GALNT18: variants seen among roughly 807,000 people sequenced by gnomAD.
GALNT18 encodes GalNAc-transferase 18.
A neutral mutation model predicts 69.5 loss-of-function variants in GALNT18; 44 were observed. The ratio of observed to expected loss-of-function variants is 0.63; its 90% CI spans 0.50 to 0.81. The LOEUF (loss-of-function observed/expected upper bound fraction) is 0.81, where lower values mean the gene tolerates loss of function less well. GALNT18 is among the 40% of genes least tolerant of loss of function. GALNT18 has a pLI of 0.00. For synonymous variants in GALNT18, 364 were observed against 318.2 expected (o/e 1.14, Z -1.53); for missense variants, 715 against 810.0 (o/e 0.88, Z 1.42).
At chr11:11,558,085 G>T (rs1297669511) in intron 1 of GALNT18, among the ~76,000 whole-genome samples, 1 of 152,162 alleles carries the variant, frequency 6.6e-6, no homozygotes, top group Non-Finnish European at 1.5e-5. Flanking sequence ...AACCTTCCTG[G>T]ATAAGCTCCC....
chr11:11,355,760 G>A (rs1850517910), intron 6 of GALNT18, among the ~76,000 whole-genome samples: 1 of 152,088 alleles, frequency 6.6e-6, no homozygotes, highest in African/African-American at 2.4e-5. Flanking sequence ...CTCACCTCCT[G>A]ATGTGCAGCA....
Position 11,583,062 on chromosome 11 carries a change from A to G in GALNT18, c.235+38297T>C, listed in dbSNP as rs1159961941. On this transcript the variant is annotated intron_variant, in intron 1 of 10. Transcript: ENST00000227756. This position sits in a 1 kb window ranked among gnomAD's most constrained non-coding sequence, Gnocchi z 4.7. ...AACACTCAACTCAGGAAGGTCGTTC[A>G]TGTGCTCTTCCATAAAAACCAGGAG... Among the ~76,000 whole-genome samples the G allele has an allele frequency of 3.3e-5, 5 of 152,214 alleles. No homozygotes were observed. The highest frequency in any genetic ancestry group is 2.1e-4 in the South Asian group (1 of 4,836).
At position 11,480,219 on chromosome 11, in the gene GALNT18, TC is replaced by T. The variant is rs1210424866; in HGVS notation, c.236-31284del. 2.0e-5 allele frequency among the ~76,000 whole-genome samples: 3 copies of T among 152,028 alleles called. No homozygotes were observed. The highest frequency in any genetic ancestry group is 7.3e-5 in the African/African-American group (3 of 41,366). On this transcript the variant is annotated intron_variant, in intron 1 of 10. Coordinates refer to ENST00000227756, the MANE Select transcript of GALNT18 (RefSeq NM_198516.3). This position sits in a 1 kb window ranked among gnomAD's most constrained non-coding sequence, Gnocchi z 4.6. ...AAAATAAACTAAAAGAAGGGGTCAATCTTTCTTTATTTCTTTCTTTCTTCCT... is the reference window on the plus strand; with the variant it reads ...AAAATAAACTAAAAGAAGGGGTCAATTTTCTTTATTTCTTTCTTTCTTCCT...
intron 3 of GALNT18, among the ~76,000 whole-genome samples, chr11:11,399,006 G>A (rs1053812811): frequency 6.6e-6 from 1 of 152,192 alleles, no homozygotes; most frequent in South Asian, 2.1e-4. Flanking sequence ...TAAAGAAAGG[G>A]CCTGATATGG....
At chr11:11,280,500 G>T (rs1849049651) in intron 10 of GALNT18, among the ~76,000 whole-genome samples, 1 of 151,906 alleles carries the variant, frequency 6.6e-6, no homozygotes. Flanking sequence ...TAAAATCCTT[G>T]TCTTGAGCTC....
rs1394519775 is a variant in GALNT18 at position 11,463,882 on chromosome 11, A to G, written c.236-14946T>C. ...TATGAATGCAGTATGTGTCCGGCGG[A>G]ATGTGTGCAAAAACCGTCATGCTCA... On this transcript the variant is annotated intron_variant, in intron 1 of 10. Coordinates refer to ENST00000227756, the MANE Select transcript of GALNT18 (RefSeq NM_198516.3). The surrounding 1 kb of genome is among the most constrained non-coding windows in gnomAD (Gnocchi z 4.2). Among the ~76,000 whole-genome samples the G allele has an allele frequency of 6.6e-6, 1 of 152,192 alleles. No individual in the cohort carries two copies. The highest frequency in any genetic ancestry group is 2.4e-5 in the African/African-American group (1 of 41,454).
In GALNT18 at chr11:11,379,226, C is replaced by T. The variant is rs746317814; in HGVS notation, c.634G>A (p.Val212Met). 6.2e-7 allele frequency: 1 copy of T among 1,613,254 alleles called. No individual in the cohort carries two copies. The highest frequency in any genetic ancestry group is 1.1e-5 in the South Asian group (1 of 91,006). Reference protein sequence around the residue: ...KEKLTEYVDKVNSQKPGFIKV... With the variant: ...KEKLTEYVDKMNSQKPGFIKV... ...ATGAAGCCTGGCTTCTGGCTGTTCA[C>T]CTTGTCCACATATTCGGTCAGCTTC... is the stretch of plus-strand genomic sequence containing the variant. The change falls in exon 4 of 11, where the codon GTG (valine) becomes ATG (methionine). Residue 212 changes from valine to methionine, a missense_variant. Val to Met is a conservative substitution (Grantham distance 21). Transcript: ENST00000227756.
intron 6 of GALNT18, among the ~76,000 whole-genome samples, chr11:11,348,943 C>T (rs1044681573): frequency 6.6e-6 from 1 of 152,176 alleles, no homozygotes; most frequent in Non-Finnish European, 1.5e-5. Context: ...TTCCACCCCC[C>T]TTAAGAAGCA....
rs544562673 is a variant in GALNT18 at position 11,590,569 on chromosome 11, A to C, written c.235+30790T>G. Among the ~76,000 whole-genome samples, 1 of 152,314 alleles carries C rather than the reference A, an allele frequency of 6.6e-6. No individual in the cohort carries two copies. Among genetic ancestry groups the C allele is most frequent in the Admixed American group, 6.5e-5 (1 of 15,300 alleles). ...ATATACTAGTGAGATATCACTCCCA[A>C]CTTGCTTTTGAATCTGTTTCCTCAT... is the stretch of plus-strand genomic sequence containing the variant. On this transcript the variant is annotated intron_variant, in intron 1 of 10. Coordinates refer to ENST00000227756, the MANE Select transcript of GALNT18 (RefSeq NM_198516.3). The surrounding 1 kb of genome is among the most constrained non-coding windows in gnomAD (Gnocchi z 4.4).
intron 3 of GALNT18, among the ~76,000 whole-genome samples, chr11:11,379,723 A>T (rs960705628): frequency 6.6e-6 from 1 of 152,164 alleles, no homozygotes; most frequent in African/African-American, 2.4e-5. Flanking sequence ...CCAGGGGAAG[A>T]TCCCTCTGCC....
At chr11:11,509,161 GA>G (rs796495888) in intron 1 of GALNT18, among the ~76,000 whole-genome samples, 9 of 147,520 alleles carry the variant, frequency 6.1e-5, no homozygotes, top group Admixed American at 2.0e-4. Context: ...CTAAAGAAAA[GA>G]AAAAAAAAAG....
intron 1 of GALNT18, among the ~76,000 whole-genome samples, chr11:11,453,499 C>G (rs1855851195): frequency 6.6e-6 from 1 of 152,160 alleles, no homozygotes; most frequent in Non-Finnish European, 1.5e-5. Context: ...CAAACCCTAT[C>G]CTAAACATCC....
chr11:11,449,010 C>T, intron 1 of GALNT18, 74 bp from the exon 2 acceptor site: 2 of 1,234,728 alleles, frequency 1.6e-6, no homozygotes, highest in Non-Finnish European at 2.2e-6. Context: ...CCTTTCCCTT[C>T]CTCACAAACA....
At chr11:11,395,114 G>C (rs1408898716) in intron 3 of GALNT18, among the ~76,000 whole-genome samples, 1 of 152,246 alleles carries the variant, frequency 6.6e-6, no homozygotes, top group Non-Finnish European at 1.5e-5. Context: ...ATGACACAGT[G>C]CCAGGCACCC....
At chr11:11,294,305 A>C (rs564697802) in intron 9 of GALNT18, among the ~76,000 whole-genome samples, 67 of 152,334 alleles carry the variant, frequency 4.4e-4, no homozygotes, top group African/African-American at 1.6e-3. Context: ...ACGCAGCACC[A>C]GGGTTTTTTA....
chr11:11,322,371 A>G (rs1182238246), intron 9 of GALNT18, among the ~76,000 whole-genome samples: 1 of 152,228 alleles, frequency 6.6e-6, no homozygotes, highest in Non-Finnish European at 1.5e-5. Flanking sequence ...TGCTCAGGCC[A>G]ACATCTACCA....
At chr11:11,438,241 C>A (rs1378642364) in intron 2 of GALNT18, among the ~76,000 whole-genome samples, 2 of 152,106 alleles carry the variant, frequency 1.3e-5, no homozygotes, top group Non-Finnish European at 2.9e-5. Context: ...CCTGTCAGCT[C>A]CCAGATGGCA....
At position 11,387,020 on chromosome 11, in the gene GALNT18, G is replaced by T. The variant is rs947872991; in HGVS notation, c.596-7756C>A. Among the ~76,000 whole-genome samples the T allele has an allele frequency of 6.6e-6, 1 of 152,144 alleles. No homozygotes were observed. The highest frequency in any genetic ancestry group is 2.4e-5 in the African/African-American group (1 of 41,438). Reference sequence around the variant, plus strand: ...GATTCTGACGGATGGGCCAAACTTGGTTACAACTGAAATACAAAGGTGGGC... The same window carrying T: ...GATTCTGACGGATGGGCCAAACTTGTTTACAACTGAAATACAAAGGTGGGC... On this transcript the variant is annotated intron_variant, in intron 3 of 10. Coordinates refer to ENST00000227756, the MANE Select transcript of GALNT18 (RefSeq NM_198516.3). This position sits in a 1 kb window ranked among gnomAD's most constrained non-coding sequence, Gnocchi z 4.6.
intron 10 of GALNT18, among the ~76,000 whole-genome samples, chr11:11,283,035 A>T (rs933784703): frequency 5.3e-5 from 8 of 152,048 alleles, no homozygotes; most frequent in Non-Finnish European, 1.0e-4. Context: ...GGAGGGGAGG[A>T]GGTGGCCCAC....
Sources: gnomAD v4.1 joint callset for allele counts (sites outside exome capture counted in the v4.1 genomes callset) on GRCh38, gnomAD v4.1.1 for gene constraint, Gnocchi (gnomAD v3.1) non-coding constraint, MANE v1.5 for transcripts, NCBI Gene and HGNC (gene_info 2026-07-23, HGNC 2026-07-21) for gene names.